The following MAST2 variants were observed in gnomAD, a reference collection of about 807,000 sequenced individuals.
MAST2 encodes microtubule associated serine/threonine kinase 2.
Under a neutral mutation model 147.4 loss-of-function variants are expected in MAST2, and 70 were observed. The ratio of observed to expected loss-of-function variants is 0.47; its 90% CI spans 0.39 to 0.58. The LOEUF is 0.58. Among genes scored for constraint, MAST2 ranks in the 20% least tolerant of loss-of-function variants. MAST2 has a pLI of 0.00. For synonymous variants in MAST2, 869 were observed against 896.8 expected (o/e 0.97, Z 0.55); for missense variants, 2,080 against 2,302.3 (o/e 0.90, Z 1.98).
At chr1:45,993,987 G>A (rs1315632021) in intron 5 of MAST2, among the ~76,000 whole-genome samples, 3 of 152,162 alleles carry the variant, frequency 2.0e-5, no homozygotes, top group Non-Finnish European at 4.4e-5. Flanking sequence ...AAGAAAACAT[G>A]TGTAGGACAA....
At chr1:46,019,785 A>G (rs939139977) in intron 11 of MAST2, 88 bp downstream of exon 11, 1 of 1,106,928 alleles carries the variant, frequency 9.0e-7, no homozygotes, top group Admixed American at 1.8e-5. Context: ...TGTGGTGGTA[A>G]CCACTGCCAT....
Position 46,034,619 on chromosome 1 carries a change from G to C in MAST2, c.3950G>C (p.Ser1317Thr). 1.2e-6 allele frequency: 2 copies of C among 1,614,072 alleles called. No homozygotes were observed. Among genetic ancestry groups the C allele is most frequent in the Non-Finnish European group, 1.7e-6 (2 of 1,180,012 alleles). The change falls in exon 29 of 29, where the codon AGC becomes ACC. Residue 1317 changes from serine to threonine, a missense_variant. Coordinates refer to ENST00000361297, the MANE Select transcript of MAST2 (RefSeq NM_015112.3). ...GCCGGCTCTGGGCACACACGGCCCA[G>C]CTCCCTCCACGGTCTGGCACCCAAG... ...SPAGSGHTRP[S>T]SLHGLAPKLQ...
rs1645679764 is a variant in MAST2 at position 46,010,737 on chromosome 1, CACAAATGGAA to C, written c.987_996del (p.Gln330SerfsTer3). 6.2e-7 allele frequency: 1 copy of C among 1,613,044 alleles called. No individual in the cohort carries two copies. Among genetic ancestry groups the C allele is most frequent in the African/African-American group, 1.3e-5 (1 of 74,902 alleles). On this transcript the variant is annotated frameshift_variant, in exon 10 of 29. Coordinates refer to ENST00000361297, the MANE Select transcript of MAST2 (RefSeq NM_015112.3). LOFTEE classifies it high-confidence loss of function. Reference sequence around the variant, plus strand: ...TCTTGCTTTTCTTCCCAGGCCACCGCACAAATGGAAGAGCGACTAGCAGAGTTTATTTCCT... The same window carrying C: ...TCTTGCTTTTCTTCCCAGGCCACCGCGAGCGACTAGCAGAGTTTATTTCCT...
chr1:45,963,479 A>G (rs1660732822), intron 5 of MAST2, among the ~76,000 whole-genome samples: 1 of 152,186 alleles, frequency 6.6e-6, no homozygotes, highest in Non-Finnish European at 1.5e-5. Context: ...GGTCCTTCAC[A>G]TCCCTTGTAA....
Position 45,829,326 on chromosome 1 carries a change from A to C in MAST2, c.326-113A>C, listed in dbSNP as rs957971961. On this transcript the variant is annotated intron_variant, in intron 2 of 28. Coordinates refer to ENST00000361297, the MANE Select transcript of MAST2 (RefSeq NM_015112.3). ...ATAGATTCTAAAATGGATGTGAACA[A>C]TTTTACTTTGTATCAGTATGGTTTT... is the stretch of plus-strand genomic sequence containing the variant. 4.4e-6 allele frequency: 4 copies of C among 917,218 alleles called. No individual in the cohort carries two copies. The East Asian group carries it at 1.2e-4, about 27-fold the overall frequency. The allele number at this position is 917,218 out of a possible 1,614,324, so 56.8% of individuals were successfully genotyped here.
chr1:46,024,919 G>T (rs1188849545), intron 15 of MAST2, among the ~76,000 whole-genome samples: 1 of 152,236 alleles, frequency 6.6e-6, no homozygotes. Context: ...TGGACTTACA[G>T]TTCCATGTGG....
intron 3 of MAST2, among the ~76,000 whole-genome samples, chr1:45,880,988 GA>G (rs1227982974): frequency 7.0e-6 from 1 of 142,762 alleles, no homozygotes; most frequent in African/African-American, 2.6e-5. Flanking sequence ...AAAAAGAAAA[GA>G]AAAAAGCAAA....
intron 4 of MAST2, among the ~76,000 whole-genome samples, chr1:45,919,736 C>G (rs1653140685): frequency 6.6e-6 from 1 of 151,558 alleles, no homozygotes; most frequent in Non-Finnish European, 1.5e-5. Flanking sequence ...ACTATGGTCT[C>G]AGAACACACA....
At chr1:45,884,080 T>C (rs1401170534) in intron 4 of MAST2, among the ~76,000 whole-genome samples, 1 of 151,998 alleles carries the variant, frequency 6.6e-6, no homozygotes, top group Non-Finnish European at 1.5e-5. Flanking sequence ...AGTATTCTTA[T>C]TTTTATTTTA....
intron 3 of MAST2, among the ~76,000 whole-genome samples, chr1:45,855,987 A>G (rs1645776271): frequency 6.6e-6 from 1 of 152,192 alleles, no homozygotes; most frequent in Non-Finnish European, 1.5e-5. Flanking sequence ...CTTGGGCTTC[A>G]GAAGTTTAAC....
intron 1 of MAST2, among the ~76,000 whole-genome samples, chr1:45,812,695 G>A (rs577577187): frequency 1.1e-3 from 160 of 152,284 alleles, no homozygotes; most frequent in Non-Finnish European, 2.0e-3. Flanking sequence ...AAAGTGCTGG[G>A]ATTACAAGCA....
At chr1:45,837,880 G>A (rs1252354853) in intron 3 of MAST2, among the ~76,000 whole-genome samples, 3 of 152,120 alleles carry the variant, frequency 2.0e-5, no homozygotes, top group East Asian at 1.9e-4. Context: ...CCGGGTTCAA[G>A]CCATTCTCCT....
chr1:45,956,031 T>C (rs1213035117), intron 4 of MAST2, among the ~76,000 whole-genome samples: 2 of 152,308 alleles, frequency 1.3e-5, no homozygotes, highest in South Asian at 2.1e-4. Flanking sequence ...TTGCTTCTCA[T>C]TGGGCAACTA....
In MAST2 at chr1:46,034,156, G is replaced by T; in HGVS notation, c.3758G>T (p.Arg1253Leu). ...HTSRSLSSLN[R>L]SLSSGESGPG... is the part of the protein sequence containing the mutation. ...AGCCGCAGCCTTTCTTCCCTTAACC[G>T]CTCCTTGTCATCAGGGGAGAGTGGG... The change falls in exon 28 of 29, where the codon CGC (arginine) becomes CTC (leucine). Residue 1253 changes from arginine to leucine, a missense_variant. By Grantham distance (102) the Arg-to-Leu change is moderately radical. Transcript: ENST00000361297. The T allele has an allele frequency of 1.2e-6, 2 of 1,614,070 alleles. No homozygotes were observed. Among genetic ancestry groups the T allele is most frequent in the Admixed American group, 1.7e-5 (1 of 60,008 alleles).
chr1:45,945,726 A>T (rs1657934758), intron 4 of MAST2, among the ~76,000 whole-genome samples: 1 of 152,220 alleles, frequency 6.6e-6, no homozygotes, highest in Non-Finnish European at 1.5e-5. Flanking sequence ...TAATTACAGG[A>T]CATTTTGCAT....
intron 7 of MAST2, among the ~76,000 whole-genome samples, chr1:46,003,549 C>T (rs1557459018): frequency 1.3e-5 from 2 of 151,944 alleles, no homozygotes; most frequent in African/African-American, 2.4e-5. Flanking sequence ...CTCGCTGCAG[C>T]TTCAACCTCC....
chr1:45,973,112 A>G (rs751713860), intron 5 of MAST2, among the ~76,000 whole-genome samples: 8 of 151,186 alleles, frequency 5.3e-5, no homozygotes, highest in Admixed American at 1.3e-4. Flanking sequence ...TTAGCTCTTG[A>G]CTCCAATTAC....
chr1:45,943,414 A>G (rs1019357189), intron 4 of MAST2, among the ~76,000 whole-genome samples: 1 of 152,216 alleles, frequency 6.6e-6, no homozygotes, highest in African/African-American at 2.4e-5. Flanking sequence ...AGATAAAGCC[A>G]AACCTCCTGG....
In MAST2 at chr1:45,900,173, C is replaced by CAAAAAAAAAAAAAAAAAAAA. The variant is rs59051138; in HGVS notation, c.500+17781_500+17800dup. ...CGACAGAGCGAGACTCTCTCTCTCT[C>CAAAAAAAAAAAAAAAAAAAA]AAAAAAAAAAAAAAAAAAAAAAGAT... On this transcript the variant is annotated intron_variant, in intron 4 of 28. Coordinates refer to ENST00000361297, the MANE Select transcript of MAST2 (RefSeq NM_015112.3). Among the ~76,000 whole-genome samples the CAAAAAAAAAAAAAAAAAAAA allele has an allele frequency of 1.1e-4, 6 of 54,096 alleles. 1 individual carries two copies. The highest frequency in any genetic ancestry group is 4.4e-4 in the African/African-American group (5 of 11,382). 35.5% of individuals were successfully genotyped at this position (54,096 alleles called of 152,430 possible). A position where few individuals can be genotyped will look rare whatever the true frequency, so the allele number is the denominator to read the frequency against.
Sources: gnomAD v4.1 joint callset for allele counts (sites outside exome capture counted in the v4.1 genomes callset) on GRCh38, gnomAD v4.1.1 for gene constraint, MANE v1.5 for transcripts, NCBI Gene and HGNC (gene_info 2026-07-23, HGNC 2026-07-21) for gene names.